Variants in CNTN5 observed in about 807,000 individuals in gnomAD.
CNTN5 encodes the protein contactin-5.
In CNTN5, 77 loss-of-function variants were observed where a neutral mutation model predicts 129.1. That is an observed-to-expected ratio of 0.60 (90% confidence interval 0.50 to 0.72). The LOEUF (loss-of-function observed/expected upper bound fraction) is 0.72. Among genes scored for constraint, CNTN5 ranks in the 30% least tolerant of loss-of-function variants. CNTN5 has a pLI of 0.00. For missense variants in CNTN5, 1,478 were observed against 1,328.8 expected, an observed-to-expected ratio of 1.11 and a Z score of -1.75; for synonymous variants, 509 against 465.6, an observed-to-expected ratio of 1.09 and a Z score of -1.20.
chr11:100,064,101 C>T (rs1390625495), intron 10 of CNTN5, among the ~76,000 whole-genome samples: 2 of 152,056 alleles, frequency 1.3e-5, no homozygotes, highest in African/African-American at 2.4e-5. Context: ...AATATTCTCT[C>T]AATAGAATGA....
At chr11:99,315,564 A>T (rs528120126) in intron 1 of CNTN5, among the ~76,000 whole-genome samples, 1 of 149,728 alleles carries the variant, frequency 6.7e-6, no homozygotes, top group Non-Finnish European at 1.5e-5. Context: ...GGATAAAAAA[A>T]TAAGTAATTG....
chr11:99,092,349 C>T (rs1027678364), intron 1 of CNTN5, among the ~76,000 whole-genome samples: 2 of 151,972 alleles, frequency 1.3e-5, no homozygotes, highest in African/African-American at 4.8e-5. Context: ...CTTGGGTATT[C>T]TGTGTATCTC....
At chr11:100,066,015 G>T (rs1480867425) in intron 10 of CNTN5, among the ~76,000 whole-genome samples, 1 of 151,956 alleles carries the variant, frequency 6.6e-6, no homozygotes, top group African/African-American at 2.4e-5. Context: ...CCTGTTTTAT[G>T]GAGAAAAAAT....
intron 2 of CNTN5, among the ~76,000 whole-genome samples, chr11:99,499,106 T>C (rs563316747): frequency 1.3e-5 from 2 of 152,190 alleles, no homozygotes; most frequent in Non-Finnish European, 2.9e-5. Flanking sequence ...TTTTGGTCAG[T>C]GATATCATAT....
chr11:99,663,004 C>G (rs1267582051), intron 3 of CNTN5, among the ~76,000 whole-genome samples: 1 of 152,100 alleles, frequency 6.6e-6, no homozygotes. Flanking sequence ...AAACAAAACA[C>G]CAGCTAAGTT....
chr11:99,290,346 A>G (rs1410483771), intron 1 of CNTN5, among the ~76,000 whole-genome samples: 1 of 151,968 alleles, frequency 6.6e-6, no homozygotes, highest in African/African-American at 2.4e-5. Context: ...CTGTTTGATT[A>G]CTATTTATAT....
At chr11:99,571,823 T>C (rs1269241568) in intron 3 of CNTN5, among the ~76,000 whole-genome samples, 2 of 152,230 alleles carry the variant, frequency 1.3e-5, no homozygotes, top group African/African-American at 4.8e-5. Context: ...TATAGATTTC[T>C]TCTTTACTTA....
intron 1 of CNTN5, among the ~76,000 whole-genome samples, chr11:99,127,912 G>A (rs1356562705): frequency 6.6e-6 from 1 of 152,000 alleles, no homozygotes; most frequent in East Asian, 1.9e-4. Flanking sequence ...CTTTTTTAGG[G>A]CTAACTTTCT....
At chr11:100,042,094 G>T (rs115337698) in intron 9 of CNTN5, among the ~76,000 whole-genome samples, 4,521 of 152,102 alleles carry the variant, frequency 0.03, 104 homozygotes, top group African/African-American at 0.068. Flanking sequence ...TCTCAAGAAG[G>T]GCCCAAGCTT....
intron 13 of CNTN5, among the ~76,000 whole-genome samples, chr11:100,176,166 C>A (rs1186703190): frequency 1.3e-5 from 2 of 151,752 alleles, no homozygotes; most frequent in Admixed American, 6.6e-5. Flanking sequence ...ATTACAGGCA[C>A]CTGCCACCAT....
intron 2 of CNTN5, among the ~76,000 whole-genome samples, chr11:99,406,556 T>C (rs1020898119): frequency 2.0e-5 from 3 of 152,090 alleles, no homozygotes; most frequent in African/African-American, 7.2e-5. Context: ...ACTCCCTAAC[T>C]ACTGCCTATG....
intron 2 of CNTN5, among the ~76,000 whole-genome samples, chr11:99,371,330 A>G (rs533640814): frequency 6.6e-6 from 1 of 152,110 alleles, no homozygotes; most frequent in East Asian, 1.9e-4. Context: ...TATATATATG[A>G]AATAATTATA....
At chr11:99,923,511 T>A (rs1698725790) in intron 7 of CNTN5, among the ~76,000 whole-genome samples, 1 of 152,226 alleles carries the variant, frequency 6.6e-6, no homozygotes, top group South Asian at 2.1e-4. Context: ...ACTATTTTAC[T>A]TACATATTTG....
intron 13 of CNTN5, among the ~76,000 whole-genome samples, chr11:100,135,794 T>C: frequency 6.6e-6 from 1 of 152,104 alleles, no homozygotes; most frequent in East Asian, 1.9e-4. Flanking sequence ...CTGGTATTAT[T>C]TTGTAATTCT....
intron 13 of CNTN5, among the ~76,000 whole-genome samples, chr11:100,122,229 T>G (rs1946048162): frequency 6.6e-6 from 1 of 151,216 alleles, no homozygotes; most frequent in Non-Finnish European, 1.5e-5. Context: ...GGTGGGGAGG[T>G]GGAATGGTAT....
intron 7 of CNTN5, among the ~76,000 whole-genome samples, chr11:99,921,622 C>T (rs1949941339): frequency 6.6e-6 from 1 of 152,192 alleles, no homozygotes; most frequent in South Asian, 2.1e-4. Context: ...CACGCATTTA[C>T]TTACTTCGTT....
At chr11:99,642,511 AG>A (rs1341244895) in intron 3 of CNTN5, among the ~76,000 whole-genome samples, 1 of 152,176 alleles carries the variant, frequency 6.6e-6, no homozygotes, top group Non-Finnish European at 1.5e-5. Flanking sequence ...ACATATTTAC[AG>A]GGTACAGTGT....
At chr11:99,426,236 G>T (rs1215834088) in intron 2 of CNTN5, among the ~76,000 whole-genome samples, 2 of 152,074 alleles carry the variant, frequency 1.3e-5, no homozygotes, top group Admixed American at 6.6e-5. Context: ...TTACAATTTG[G>T]TTTTTGCCAG....
chr11:99,596,133 T>G (rs1465831339), intron 3 of CNTN5, among the ~76,000 whole-genome samples: 2 of 152,140 alleles, frequency 1.3e-5, no homozygotes, highest in Non-Finnish European at 2.9e-5. Context: ...AAATTAAAGC[T>G]TTTGCAGGAT....
Sources: gnomAD v4.1 joint callset for allele counts (sites outside exome capture counted in the v4.1 genomes callset) on GRCh38, gnomAD v4.1.1 for gene constraint, MANE v1.5 for transcripts, NCBI Gene and HGNC (gene_info 2026-07-23, HGNC 2026-07-21) for gene names.